Variants in GPR158 observed in about 807,000 individuals in gnomAD.
GPR158 encodes metabotropic glycine receptor.
A neutral mutation model predicts 78.2 loss-of-function variants in GPR158; 30 were observed. The observed-to-expected ratio is 0.38, with a 90% CI of 0.29 to 0.52. The LOEUF (loss-of-function observed/expected upper bound fraction) is 0.52, where lower values mean the gene tolerates loss of function less well. Ranked by LOEUF, GPR158 falls within the 20% of genes least tolerant of loss-of-function variation. The probability of loss-of-function intolerance (pLI) is 0.83; values close to 1 mark genes in which losing one functional copy is unlikely to be tolerated. For synonymous variants in GPR158, 581 were observed against 591.1 expected, an observed-to-expected ratio of 0.98 and a Z score of 0.25; for missense variants, 1,463 against 1,523.5, an observed-to-expected ratio of 0.96 and a Z score of 0.66.
At chr10:25,429,078 T>C (rs1408012298) in intron 4 of GPR158, among the ~76,000 whole-genome samples, 1 of 152,044 alleles carries the variant, frequency 6.6e-6, no homozygotes, top group African/African-American at 2.4e-5. Flanking sequence ...ATTCAGGGTT[T>C]CTACAGAGGA....
chr10:25,368,467 A>G (rs1286122709), intron 2 of GPR158, among the ~76,000 whole-genome samples: 2 of 151,928 alleles, frequency 1.3e-5, no homozygotes, highest in African/African-American at 4.8e-5. Context: ...ACATATGGCC[A>G]ATGATCATAT....
rs35957555 is a variant in GPR158, at chr10:25,300,643, G to A, written c.1008+79486G>A. The stretch of plus-strand genomic sequence containing the variant: ...GAGAAAATATTGCCTGCTAGAGGTC[G>A]TCACGAAACTTGCTTTGCTGAAGAG... On this transcript the variant is annotated intron_variant, in intron 2 of 10. Transcript: ENST00000376351. Among the ~76,000 whole-genome samples the A allele has an allele frequency of 7.9e-3, 1,196 of 152,184 alleles. 21 individuals are homozygous for A. The highest frequency in any genetic ancestry group is 0.027 in the African/African-American group (1,118 of 41,520).
chr10:25,432,110 A>G (rs1304124456), intron 4 of GPR158, among the ~76,000 whole-genome samples: 2 of 152,216 alleles, frequency 1.3e-5, no homozygotes, highest in Non-Finnish European at 2.9e-5. Flanking sequence ...TATAGTAGCA[A>G]GGAATTAGCA....
intron 2 of GPR158, among the ~76,000 whole-genome samples, chr10:25,298,506 G>A (rs148501230): frequency 6.6e-6 from 1 of 152,242 alleles, no homozygotes; most frequent in East Asian, 1.9e-4. Flanking sequence ...AAAAAATGGT[G>A]CTTTTGATTC....
At chr10:25,471,591 G>A (rs551544869) in intron 5 of GPR158, among the ~76,000 whole-genome samples, 37 of 152,282 alleles carry the variant, frequency 2.4e-4, no homozygotes, top group African/African-American at 8.7e-4. Context: ...GTATAAAAGT[G>A]TTCCTATTTC....
At chr10:25,514,935 T>C (rs528043664) in intron 5 of GPR158, among the ~76,000 whole-genome samples, 1 of 152,148 alleles carries the variant, frequency 6.6e-6, no homozygotes, top group Non-Finnish European at 1.5e-5. Flanking sequence ...TTTTGCTTCA[T>C]AGCTCTTAAG....
At chr10:25,482,821 A>G (rs1464470323) in intron 5 of GPR158, among the ~76,000 whole-genome samples, 1 of 151,988 alleles carries the variant, frequency 6.6e-6, no homozygotes, top group Non-Finnish European at 1.5e-5. Context: ...TCCCACCACC[A>G]CCACCAAACC....
At position 25,552,791 on chromosome 10, in the gene GPR158, A is replaced by G. The variant is rs367654440; in HGVS notation, c.1514+1706A>G. Among the ~76,000 whole-genome samples, 3 of 152,326 alleles carry G rather than the reference A, an allele frequency of 2.0e-5. No individual in the cohort carries two copies. In the East Asian group the frequency reaches 5.8e-4, roughly 29 times the overall value. On this transcript the variant is annotated intron_variant, in intron 6 of 10. Transcript: ENST00000376351. ...CCTCAGCCTGTCTCCAAGTGTCTGGAACACCTAACACTGTGGTCTGCGAGA... is the reference window on the plus strand; with the variant it reads ...CCTCAGCCTGTCTCCAAGTGTCTGGGACACCTAACACTGTGGTCTGCGAGA...
chr10:25,301,447 T>C (rs1484985989), intron 2 of GPR158, among the ~76,000 whole-genome samples: 1 of 152,120 alleles, frequency 6.6e-6, no homozygotes, highest in Middle Eastern at 3.2e-3. Flanking sequence ...AATGTTCTCT[T>C]CCAAAATAGA....
At chr10:25,574,730 C>T (rs777581873) in intron 7 of GPR158, among the ~76,000 whole-genome samples, 2 of 151,984 alleles carry the variant, frequency 1.3e-5, no homozygotes, top group Non-Finnish European at 2.9e-5. Context: ...ACTAAAAATA[C>T]AAAAATTAGC....
At chr10:25,381,812 ATATT>A (rs2130565928) in intron 2 of GPR158, among the ~76,000 whole-genome samples, 1 of 152,334 alleles carries the variant, frequency 6.6e-6, no homozygotes, top group African/African-American at 2.4e-5. Context: ...TTTTAGCAAA[ATATT>A]TAAAGAAGGA....
In GPR158 at chr10:25,211,357, G is replaced by A. The variant is rs141919528; in HGVS notation, c.903-9695G>A. On this transcript the variant is annotated intron_variant, in intron 1 of 10. Coordinates refer to ENST00000376351, the MANE Select transcript of GPR158 (RefSeq NM_020752.3). ...AGAAGTTTATTTGACTCACAATTCC[G>A]GAGGCCAGGAAGTCCATTGTTGGGA... Among the ~76,000 whole-genome samples the A allele has an allele frequency of 3.9e-5, 6 of 152,180 alleles. No homozygotes were observed. The East Asian group carries it at 5.8e-4, about 15-fold the overall frequency.
chr10:25,215,065 G>A (rs892091051), intron 1 of GPR158, among the ~76,000 whole-genome samples: 3 of 152,104 alleles, frequency 2.0e-5, no homozygotes, highest in Non-Finnish European at 4.4e-5. Flanking sequence ...AAATCTAAGC[G>A]GCTCCATAGC....
chr10:25,266,717 A>T (rs1854049537), intron 2 of GPR158, among the ~76,000 whole-genome samples: 1 of 152,154 alleles, frequency 6.6e-6, no homozygotes, highest in South Asian at 2.1e-4. Flanking sequence ...TGCTTCCAAT[A>T]AATATATTTT....
At chr10:25,594,166 G>C (rs888228146) in intron 8 of GPR158, 126 bp from the exon 9 acceptor site, 24 of 617,122 alleles carry the variant, frequency 3.9e-5, no homozygotes, top group Non-Finnish European at 6.3e-5. Context: ...ATATGCCATA[G>C]AAATAGTAAT....
chr10:25,248,177 T>C (rs1853729313), intron 2 of GPR158, among the ~76,000 whole-genome samples: 1 of 151,984 alleles, frequency 6.6e-6, no homozygotes. Context: ...GTTTTTTTCT[T>C]GTAAATTTGG....
At chr10:25,371,205 G>C (rs1213553979) in intron 2 of GPR158, among the ~76,000 whole-genome samples, 1 of 149,704 alleles carries the variant, frequency 6.7e-6, no homozygotes, top group East Asian at 2.0e-4. Flanking sequence ...ATTTGATCCT[G>C]TCATTATGAT....
chr10:25,202,233 G>A (rs1291761705), intron 1 of GPR158, among the ~76,000 whole-genome samples: 1 of 151,860 alleles, frequency 6.6e-6, no homozygotes, highest in Admixed American at 6.6e-5. Context: ...ATACTGGGAG[G>A]CTGTATGTCT....
chr10:25,349,800 G>A (rs1855432097), intron 2 of GPR158, among the ~76,000 whole-genome samples: 2 of 134,282 alleles, frequency 1.5e-5, no homozygotes, highest in South Asian at 4.3e-4. Flanking sequence ...AAGTTTCAGG[G>A]GTTAGGATGC....
Sources: allele counts gnomAD v4.1 joint callset (sites outside exome capture counted in the v4.1 genomes callset), GRCh38; gene constraint gnomAD v4.1.1; transcripts MANE v1.5; gene names NCBI Gene and HGNC (gene_info 2026-07-23, HGNC 2026-07-21).